ATP5F1C: variants seen among roughly 807,000 people sequenced by gnomAD.
ATP5F1C encodes the protein ATP synthase F1 subunit gamma, also known as ATP synthase F(1) complex subunit gamma, mitochondrial.
ATP5F1C carries 22 observed loss-of-function variants against 37.4 expected under a neutral mutation model. That is an observed-to-expected ratio of 0.59 (90% CI 0.42 to 0.84). The LOEUF (loss-of-function observed/expected upper bound fraction) is 0.84, where lower values mean the gene tolerates loss of function less well. Ranked by LOEUF, ATP5F1C falls within the 40% of genes least tolerant of loss-of-function variation. The pLI is 0.00. For missense variants in ATP5F1C, 286 were observed against 362.4 expected (o/e 0.79, Z 1.71); for synonymous variants, 121 against 128.0 (o/e 0.95, Z 0.37).
At chr10:7,800,205 T>C in intron 6 of ATP5F1C, 114 bp downstream of exon 6, 1 of 1,128,332 alleles carries the variant, frequency 8.9e-7, no homozygotes, top group Middle Eastern at 2.9e-4. Context: ...GATTTGGGGC[T>C]GTTTCTTTTT....
At chr10:7,789,235 C>G (rs1836114867) in intron 1 of ATP5F1C, among the ~76,000 whole-genome samples, 1 of 152,140 alleles carries the variant, frequency 6.6e-6, no homozygotes, top group African/African-American at 2.4e-5. Context: ...ATTCCCTGCT[C>G]TTAACAGTGT....
intron 3 of ATP5F1C, among the ~76,000 whole-genome samples, 179 bp from the exon 4 acceptor site, chr10:7,798,811 G>A (rs751083035): frequency 4.6e-5 from 7 of 152,228 alleles, no homozygotes; most frequent in Non-Finnish European, 7.3e-5. Flanking sequence ...GATTACAGGC[G>A]TGAGCCACTG....
At chr10:7,789,462 G>GA (rs1169679694) in intron 1 of ATP5F1C, among the ~76,000 whole-genome samples, 2 of 151,774 alleles carry the variant, frequency 1.3e-5, no homozygotes, top group Non-Finnish European at 2.9e-5. Flanking sequence ...CTCTAATATG[G>GA]AAAAAGAACA....
chr10:7,806,826 G>C, intron 8 of ATP5F1C, 148 bp from the exon 9 acceptor site: 1 of 599,712 alleles, frequency 1.7e-6, no homozygotes, highest in Non-Finnish European at 3.0e-6. Context: ...AAGGAATCTT[G>C]TGGTAAGTAT....
At chr10:7,803,499 ATTATT>A (rs1836411484) in intron 8 of ATP5F1C, among the ~76,000 whole-genome samples, 1 of 152,094 alleles carries the variant, frequency 6.6e-6, no homozygotes, top group Non-Finnish European at 1.5e-5. Flanking sequence ...TTTTGTTTTT[ATTATT>A]TTATCATTAT....
intron 8 of ATP5F1C, among the ~76,000 whole-genome samples, chr10:7,805,862 G>A (rs1836469726): frequency 6.6e-6 from 1 of 152,064 alleles, no homozygotes; most frequent in African/African-American, 2.4e-5. Context: ...CGAAGCGAGT[G>A]GATTGCTTGA....
In ATP5F1C at chr10:7,796,587, CTA is replaced by C. The variant is rs1564331497; in HGVS notation, c.91+434_91+435del. The C allele has an allele frequency of 3.5e-4, 50 of 144,700 alleles. 3 individuals carry two copies. The highest frequency in any genetic ancestry group is 4.5e-4 in the Non-Finnish European group (30 of 66,942). 9.0% of individuals were successfully genotyped at this position (144,700 alleles called of 1,614,324 possible). ...TGCCTTCCTTTTATTAGTACTATTT[CTA>C]TTTTTTTTTTTTGGAGATGGAGCCT... On this transcript the variant is annotated intron_variant, in intron 2 of 9. Coordinates refer to ENST00000356708, the MANE Select transcript of ATP5F1C (RefSeq NM_001001973.3).
chr10:7,803,827 T>A (rs1836421993), intron 8 of ATP5F1C, among the ~76,000 whole-genome samples: 1 of 152,242 alleles, frequency 6.6e-6, no homozygotes, highest in Non-Finnish European at 1.5e-5. Flanking sequence ...TCTTTTTGAC[T>A]CGTTCCTTCT....
At chr10:7,790,417 A>T (rs1836144598) in intron 1 of ATP5F1C, among the ~76,000 whole-genome samples, 1 of 152,230 alleles carries the variant, frequency 6.6e-6, no homozygotes, top group African/African-American at 2.4e-5. Context: ...CATATAAGAA[A>T]ATGGAAATTA....
At position 7,789,784 on chromosome 10, in the gene ATP5F1C, A is replaced by G. The variant is rs192586857; in HGVS notation, c.56+1521A>G. The stretch of plus-strand genomic sequence containing the variant: ...TTTAAAAAAGTGGAAATAGTTTCTG[A>G]AACAAAGACAATATTTTACAAAAAA... On this transcript the variant is annotated intron_variant, in intron 1 of 9. Transcript: ENST00000356708. Among the ~76,000 whole-genome samples the G allele has an allele frequency of 2.0e-5, 3 of 152,346 alleles. No individual in the cohort carries two copies. In the East Asian group the frequency reaches 5.8e-4, roughly 29 times the overall value.
rs763386467 is a variant in ATP5F1C, at chr10:7,802,736, A to G, written c.794-22A>G. 18 of 1,599,172 alleles carry G rather than the reference A, an allele frequency of 1.1e-5. No individual in the cohort carries two copies. In the Admixed American group the frequency reaches 2.8e-4, roughly 25 times the overall value. ...TACTCTAGTTTCAGATTTTTTATGTAGTGTTTTTGTTTTGTTTGTAGCTGA... is the reference window on the plus strand; with the variant it reads ...TACTCTAGTTTCAGATTTTTTATGTGGTGTTTTTGTTTTGTTTGTAGCTGA... On this transcript the variant is annotated intron_variant, in intron 7 of 9. Transcript: ENST00000356708.
At chr10:7,796,885 T>C (rs544519632) in intron 2 of ATP5F1C, 162 bp from the exon 3 acceptor site, 2 of 773,162 alleles carry the variant, frequency 2.6e-6, no homozygotes, top group East Asian at 3.0e-5. Flanking sequence ...TGCCCGGCTA[T>C]TAGTACTAGT....
chr10:7,800,491 AT>A lies in ATP5F1C; in HGVS notation c.637+407del, dbSNP rs137972460. 5.6e-4 allele frequency among the ~76,000 whole-genome samples: 64 copies of A among 113,390 alleles called. 1 individual carries two copies. Among genetic ancestry groups the A allele is most frequent in the African/African-American group, 1.9e-3 (56 of 29,772 alleles). 74.4% of individuals were successfully genotyped at this position (113,390 alleles called of 152,430 possible). A position where few individuals can be genotyped will look rare whatever the true frequency, so the allele number is the denominator to read the frequency against. ...ATTACAGGCATGAGCCCAGCCTTTT[AT>A]TTTTTTATTTTTTATTTTTTGAGAC... On this transcript the variant is annotated intron_variant, in intron 6 of 9. Transcript: ENST00000356708.
At chr10:7,806,224 C>A (rs1836477348) in intron 8 of ATP5F1C, among the ~76,000 whole-genome samples, 1 of 152,064 alleles carries the variant, frequency 6.6e-6, no homozygotes, top group South Asian at 2.1e-4. Flanking sequence ...TATTCTGAAT[C>A]AAGACTTGAA....
chr10:7,799,334 G>C (rs1836306221), intron 4 of ATP5F1C, 140 bp downstream of exon 4: 1 of 717,526 alleles, frequency 1.4e-6, no homozygotes. Flanking sequence ...ATTCACAAGG[G>C]GGTGTTTGTT....
At position 7,807,704 on chromosome 10, in the gene ATP5F1C, G is replaced by T. The variant is rs1010414229; in HGVS notation, c.*76G>T. Reference sequence around the variant, plus strand: ...CAGTTGATTTTGTTTTTAGCTTACTGCTGCCTTTGTCCGAAGAAACTGTTC... The same window carrying T: ...CAGTTGATTTTGTTTTTAGCTTACTTCTGCCTTTGTCCGAAGAAACTGTTC... On this transcript the variant is annotated 3_prime_UTR_variant, in exon 10 of 10. Coordinates refer to ENST00000356708, the MANE Select transcript of ATP5F1C (RefSeq NM_001001973.3). 2 of 1,598,264 alleles carry T rather than the reference G, an allele frequency of 1.3e-6. No homozygotes were observed. Among genetic ancestry groups the T allele is most frequent in the Non-Finnish European group, 1.7e-6 (2 of 1,170,826 alleles).
At chr10:7,807,538 A>G (rs1836506683) in intron 9 of ATP5F1C, 121 bp from the exon 10 acceptor site, 2 of 1,213,738 alleles carry the variant, frequency 1.6e-6, no homozygotes, top group Non-Finnish European at 2.3e-6. Flanking sequence ...GTATAGGGTA[A>G]CACTTTATTG....
At chr10:7,800,563 C>T (rs1427335568) in intron 6 of ATP5F1C, among the ~76,000 whole-genome samples, 6 of 149,696 alleles carry the variant, frequency 4.0e-5, no homozygotes, top group South Asian at 2.1e-4. Flanking sequence ...GGCATGATCT[C>T]GGCTCACTGC....
chr10:7,796,062 C>G, intron 1 of ATP5F1C, 59 bp from the exon 2 acceptor site: 1 of 1,341,310 alleles, frequency 7.5e-7, no homozygotes, highest in South Asian at 1.3e-5. Flanking sequence ...GAAAGTTTTT[C>G]TTGTATAATG....
Sources: allele counts gnomAD v4.1 joint callset (sites outside exome capture counted in the v4.1 genomes callset), GRCh38; gene constraint gnomAD v4.1.1; transcripts MANE v1.5; gene names NCBI Gene and HGNC (gene_info 2026-07-23, HGNC 2026-07-21).